Variants in PPFIA1 observed in about 807,000 individuals in gnomAD.
The protein encoded by PPFIA1 is liprin-alpha-1.
In PPFIA1, 25 loss-of-function variants were observed where a neutral mutation model predicts 149.9. The observed-to-expected ratio is 0.17, with a 90% CI of 0.12 to 0.23. PPFIA1 has a LOEUF of 0.23. Ranked by LOEUF, PPFIA1 falls within the 10% of genes least tolerant of loss-of-function variation. The pLI is 1.00. For missense variants in PPFIA1, 1,362 were observed against 1,506.5 expected, an observed-to-expected ratio of 0.90 and a Z score of 1.59; for synonymous variants, 549 against 552.8, an observed-to-expected ratio of 0.99 and a Z score of 0.10.
intron 2 of PPFIA1, among the ~76,000 whole-genome samples, chr11:70,277,605 C>T (rs1369494875): frequency 6.6e-6 from 1 of 152,058 alleles, no homozygotes; most frequent in East Asian, 1.9e-4. Flanking sequence ...ATTTTCTTGC[C>T]TCAGCCTTCT....
intron 8 of PPFIA1, among the ~76,000 whole-genome samples, chr11:70,330,760 C>T (rs756291213): frequency 9.5e-5 from 14 of 147,438 alleles, no homozygotes; most frequent in Non-Finnish European, 2.1e-4. Context: ...AATGTGAGAA[C>T]AGCCTGTCTC....
At chr11:70,294,368 G>A (rs1294151434) in intron 2 of PPFIA1, among the ~76,000 whole-genome samples, 1 of 152,152 alleles carries the variant, frequency 6.6e-6, no homozygotes, top group Admixed American at 6.5e-5. Flanking sequence ...CAAAGGAGAG[G>A]AACACTGGGA....
rs747188390 is a variant in PPFIA1, at chr11:70,348,390, G to A, written c.2133G>A (p.Arg711=). The part of the protein sequence containing the change: ...TPRRIPHSPA[R]EVDRLGVMTL... ...GAAGGATCCCTCACAGCCCAGCTCG[G>A]GAAGTGGACAGACTGGGCGTCATGA... The change falls in exon 16 of 28, where the codon CGG becomes CGA. Residue 711 remains arginine, a synonymous_variant. Transcript: ENST00000253925. 6.2e-5 allele frequency: 100 copies of A among 1,613,190 alleles called. No individual in the cohort carries two copies. Among genetic ancestry groups the A allele is most frequent in the Non-Finnish European group, 7.5e-5 (88 of 1,179,264 alleles).
Position 70,324,869 on chromosome 11 carries a change from G to A in PPFIA1, c.389G>A (p.Cys130Tyr), listed in dbSNP as rs1379533308. Residue 130 changes from cysteine to tyrosine, a missense_variant, in exon 4 of 28, where the codon TGC becomes TAC. Cys to Tyr is a radical substitution (Grantham distance 194). This residue lies in a region of PPFIA1 where 79 missense variants were observed against 146.2 expected (regional missense o/e 0.54). Transcript: ENST00000253925. ...NTRLLLEHLE[C>Y]LVSRHERSLR... is the part of the protein sequence containing the mutation. ...CAGCTGCTGTTAGAGCATTTGGAAT[G>A]CCTTGTCTCCAGGCATGAGCGGTCT... 1.3e-6 allele frequency: 2 copies of A among 1,598,156 alleles called. No homozygotes were observed. The highest frequency in any genetic ancestry group is 2.3e-5 in the South Asian group (2 of 88,326).
chr11:70,310,712 C>T (rs1396226303), intron 2 of PPFIA1, among the ~76,000 whole-genome samples: 1 of 152,116 alleles, frequency 6.6e-6, no homozygotes, highest in Non-Finnish European at 1.5e-5. Context: ...GCACTAAGGG[C>T]TTTTTTCCTC....
intron 2 of PPFIA1, among the ~76,000 whole-genome samples, chr11:70,322,499 T>A (rs1489728774): frequency 6.6e-6 from 1 of 152,182 alleles, no homozygotes. Context: ...GGAGCCCGCT[T>A]CTGAATGCTG....
At chr11:70,363,921 C>T (rs1483546685) in intron 21 of PPFIA1, among the ~76,000 whole-genome samples, 3 of 150,528 alleles carry the variant, frequency 2.0e-5, no homozygotes, top group African/African-American at 4.9e-5. Context: ...AGATGGGTCT[C>T]ACTTTGTTGC....
chr11:70,370,066 T>C (rs1227376577), intron 21 of PPFIA1, among the ~76,000 whole-genome samples: 5 of 151,836 alleles, frequency 3.3e-5, no homozygotes, highest in Admixed American at 1.3e-4. Flanking sequence ...TTTTCATGCC[T>C]CAGCCTCCCA....
At chr11:70,309,686 A>ACC (rs1168654414) in intron 2 of PPFIA1, among the ~76,000 whole-genome samples, 2 of 152,178 alleles carry the variant, frequency 1.3e-5, no homozygotes, top group African/African-American at 4.8e-5. Context: ...GAGTGGAGCT[A>ACC]CCATATGCTA....
intron 2 of PPFIA1, among the ~76,000 whole-genome samples, chr11:70,288,015 G>T (rs940286522): frequency 2.0e-5 from 3 of 151,432 alleles, no homozygotes; most frequent in African/African-American, 7.3e-5. Context: ...GTCCCACTGC[G>T]CTGGGGCTCA....
chr11:70,321,385 G>A (rs1262309494), intron 2 of PPFIA1: 1 of 152,218 alleles, frequency 6.6e-6, no homozygotes, highest in Non-Finnish European at 1.5e-5. Flanking sequence ...AAAACCTTCT[G>A]TCGCGATGAG....
chr11:70,293,168 T>G (rs1385199511), intron 2 of PPFIA1, among the ~76,000 whole-genome samples: 2 of 152,254 alleles, frequency 1.3e-5, no homozygotes, highest in African/African-American at 4.8e-5. Context: ...CGGGATCTTT[T>G]AACGGTTACC....
At chr11:70,355,841 A>AC in intron 18 of PPFIA1, 30 bp downstream of exon 18, 1 of 1,586,172 alleles carries the variant, frequency 6.3e-7, no homozygotes, top group Non-Finnish European at 8.6e-7. Flanking sequence ...CCTTCTCAGC[A>AC]CCCAGGGGTC....
chr11:70,316,296 TCC>T, intron 2 of PPFIA1, among the ~76,000 whole-genome samples: 1 of 152,246 alleles, frequency 6.6e-6, no homozygotes, highest in Non-Finnish European at 1.5e-5. Context: ...GGTCTTGAAC[TCC>T]TTGCCTCAAG....
chr11:70,325,625 C>A, intron 5 of PPFIA1, 51 bp downstream of exon 5: 1 of 1,374,528 alleles, frequency 7.3e-7, no homozygotes, highest in Non-Finnish European at 1.0e-6. Context: ...TTATTTTTAT[C>A]CTTTAATTAT....
At chr11:70,379,744 C>T (rs2057635345) in intron 26 of PPFIA1, among the ~76,000 whole-genome samples, 3 of 151,998 alleles carry the variant, frequency 2.0e-5, no homozygotes, top group Admixed American at 2.0e-4. Flanking sequence ...AAGAAAAGTA[C>T]ATTTAAATAA....
At chr11:70,330,491 C>T (rs1305079189) in intron 8 of PPFIA1, among the ~76,000 whole-genome samples, 172 bp downstream of exon 8, 3 of 152,126 alleles carry the variant, frequency 2.0e-5, no homozygotes, top group South Asian at 2.1e-4. Context: ...GTTTTGATTA[C>T]GTAGGATTTG....
rs141844373 is a variant in PPFIA1, at chr11:70,277,533, C to T, written c.264+5097C>T. 8.4e-3 allele frequency among the ~76,000 whole-genome samples: 1,279 copies of T among 151,532 alleles called. 16 individuals are homozygous for T. The highest frequency in any genetic ancestry group is 0.029 in the African/African-American group (1,215 of 41,276). On this transcript the variant is annotated intron_variant, in intron 2 of 27. Coordinates refer to ENST00000253925, the MANE Select transcript of PPFIA1 (RefSeq NM_003626.5). ...TGAGACAGAGTCTCGCTCTGTTGCCCAGGCTGAAGTGCAGTGGCACGATCT... is the reference window on the plus strand; with the variant it reads ...TGAGACAGAGTCTCGCTCTGTTGCCTAGGCTGAAGTGCAGTGGCACGATCT...
intron 19 of PPFIA1, 110 bp downstream of exon 19, chr11:70,356,364 C>A: frequency 2.5e-6 from 2 of 806,724 alleles, no homozygotes; most frequent in Non-Finnish European, 4.0e-6. Flanking sequence ...ACATTATATT[C>A]TGAAAGCTTT....
Sources: allele counts gnomAD v4.1 joint callset (sites outside exome capture counted in the v4.1 genomes callset), GRCh38; gene constraint gnomAD v4.1.1; regional missense constraint gnomAD v4.1.1; transcripts MANE v1.5; gene names NCBI Gene and HGNC (gene_info 2026-07-23, HGNC 2026-07-21).